Variants in CLEC2A observed in about 807,000 individuals in gnomAD.
CLEC2A encodes the protein keratinocyte-associated C-type lectin.
In CLEC2A, 19 loss-of-function variants were observed where a neutral mutation model predicts 18.6. That is an observed-to-expected ratio of 1.02 (90% confidence interval 0.71 to 1.50). The LOEUF (loss-of-function observed/expected upper bound fraction) is 1.50. CLEC2A is among the 40% of genes most tolerant of loss of function. The pLI is 0.00. For missense variants in CLEC2A, 190 were observed against 207.9 expected, an observed-to-expected ratio of 0.91 and a Z score of 0.53; for synonymous variants, 74 against 64.0, an observed-to-expected ratio of 1.16 and a Z score of -0.75.
chr12:9,902,539 C>T (rs1221887356), intron 4 of CLEC2A, among the ~76,000 whole-genome samples: 1 of 151,816 alleles, frequency 6.6e-6, no homozygotes, highest in Admixed American at 6.6e-5. Flanking sequence ...AGCTGGTTTG[C>T]CTTTTTAATG....
chr12:9,910,600 T>C (rs1170838082), downstream of CLEC2A, among the ~76,000 whole-genome samples: 1 of 152,212 alleles, frequency 6.6e-6, no homozygotes, highest in Non-Finnish European at 1.5e-5. Flanking sequence ...CTCAGCACAG[T>C]AGTAGTGCTC....
chr12:9,890,681 A>C, the CLEC2A span, among the ~76,000 whole-genome samples: 2 of 152,216 alleles, frequency 1.3e-5, no homozygotes, highest in Non-Finnish European at 2.9e-5. Flanking sequence ...ATCTTTCTTT[A>C]GATTAACTCA....
intron 4 of CLEC2A, among the ~76,000 whole-genome samples, chr12:9,899,521 T>A (rs1862796672): frequency 6.6e-6 from 1 of 152,166 alleles, no homozygotes; most frequent in Non-Finnish European, 1.5e-5. Flanking sequence ...CTCCCTTCTC[T>A]TCCTAGCAGA....
chr12:9,896,961 G>C (rs976053601), downstream of CLEC2A, among the ~76,000 whole-genome samples: 3 of 150,930 alleles, frequency 2.0e-5, no homozygotes, highest in African/African-American at 7.3e-5. Flanking sequence ...CCAGGTTTAA[G>C]TGATTCTTGT....
At chr12:9,900,936 T>A (rs1364286938) in intron 4 of CLEC2A, among the ~76,000 whole-genome samples, 2 of 152,150 alleles carry the variant, frequency 1.3e-5, no homozygotes, top group Admixed American at 6.5e-5. Context: ...TTGCCATAAG[T>A]TAAGAACACT....
At chr12:9,888,611 G>A in the CLEC2A span, 1 of 579,556 alleles carries the variant, frequency 1.7e-6, no homozygotes, top group Non-Finnish European at 3.1e-6. Flanking sequence ...ATGCATAGGA[G>A]AAGAGAAACT....
At chr12:9,912,044 A>T (rs12317432), downstream of CLEC2A, among the ~76,000 whole-genome samples, 409 of 152,308 alleles carry the variant, frequency 2.7e-3, 3 homozygotes, top group African/African-American at 9.3e-3. Flanking sequence ...ACAAACAGTG[A>T]TAGTTGGGGG....
chr12:9,922,049 C>T lies in CLEC2A; in HGVS notation c.306+17G>A. 2.0e-6 allele frequency: 3 copies of T among 1,515,472 alleles called. No individual in the cohort carries two copies. The highest frequency in any genetic ancestry group is 1.8e-6 in the Non-Finnish European group (2 of 1,129,412). The allele number at this position is 1,515,472 out of a possible 1,614,324, so 93.9% of individuals were successfully genotyped here. On this transcript the variant is annotated intron_variant, in intron 3 of 4. Transcript: ENST00000455827. ...AAACAATCTCTGAAATTACTGAAGACTTTTCTGTTTTCTTACCATGTCTTC... is the reference window on the plus strand; with the variant it reads ...AAACAATCTCTGAAATTACTGAAGATTTTTCTGTTTTCTTACCATGTCTTC...
intron 3 of CLEC2A, 121 bp downstream of exon 3, chr12:9,921,945 C>A: frequency 1.2e-6 from 1 of 827,914 alleles, no homozygotes; most frequent in Non-Finnish European, 1.8e-6. Flanking sequence ...TAAGTGAACC[C>A]ACACAGTTCA....
the CLEC2A span, chr12:9,893,004 C>G: frequency 1.3e-6 from 2 of 1,521,814 alleles, no homozygotes; most frequent in Non-Finnish European, 1.8e-6. Context: ...TAATTTTCCC[C>G]TATGTTTTCC....
chr12:9,892,904 A>C, the CLEC2A span: 9 of 323,946 alleles, frequency 2.8e-5, no homozygotes, highest in Non-Finnish European at 3.5e-5. Flanking sequence ...TTTATTGACC[A>C]AAAAAAAAAA....
chr12:9,928,322 CTG>C (rs1458195553), intron 1 of CLEC2A, among the ~76,000 whole-genome samples: 1 of 152,080 alleles, frequency 6.6e-6, no homozygotes, highest in Non-Finnish European at 1.5e-5. Context: ...AAAAAATTAG[CTG>C]TGCATGATGG....
the CLEC2A span, among the ~76,000 whole-genome samples, chr12:9,882,346 C>T: frequency 6.6e-6 from 1 of 152,202 alleles, no homozygotes; most frequent in African/African-American, 2.4e-5. Flanking sequence ...CCTGCACCCC[C>T]TGCCCCCACA....
downstream of CLEC2A, among the ~76,000 whole-genome samples, chr12:9,897,229 A>G (rs1862766958): frequency 6.6e-6 from 1 of 152,160 alleles, no homozygotes. Flanking sequence ...AGAGATCTCT[A>G]GAACTTATTC....
chr12:9,880,000 G>T, the CLEC2A span, among the ~76,000 whole-genome samples: 1 of 152,156 alleles, frequency 6.6e-6, no homozygotes, highest in African/African-American at 2.4e-5. Context: ...GGAAAAGAGG[G>T]TTCTGTACGA....
chr12:9,895,173 C>T (rs1171513564), downstream of CLEC2A, among the ~76,000 whole-genome samples: 1 of 152,210 alleles, frequency 6.6e-6, no homozygotes, highest in East Asian at 1.9e-4. Context: ...CCTCCCAACT[C>T]ACATCATTAT....
chr12:9,885,806 T>G, the CLEC2A span, among the ~76,000 whole-genome samples: 1 of 152,060 alleles, frequency 6.6e-6, no homozygotes, highest in African/African-American at 2.4e-5. Context: ...AATTACTAAT[T>G]ACCTGAAAAT....
At chr12:9,894,032 C>G (rs1862721185), downstream of CLEC2A, among the ~76,000 whole-genome samples, 1 of 151,748 alleles carries the variant, frequency 6.6e-6, no homozygotes, top group African/African-American at 2.4e-5. Flanking sequence ...CTTTTCTTCT[C>G]TTTCTTTTTC....
chr12:9,878,610 T>C, the CLEC2A span, among the ~76,000 whole-genome samples: 14 of 152,346 alleles, frequency 9.2e-5, no homozygotes, highest in East Asian at 2.7e-3. Context: ...CTAAAATATT[T>C]CAGCATTCAA....
Sources: gnomAD v4.1 joint callset for allele counts (sites outside exome capture counted in the v4.1 genomes callset) on GRCh38, gnomAD v4.1.1 for gene constraint, MANE v1.5 for transcripts, NCBI Gene and HGNC (gene_info 2026-07-23, HGNC 2026-07-21) for gene names.